Variants in SFI1 observed in about 807,000 individuals in gnomAD.
SFI1 encodes the protein protein SFI1 homolog.
In SFI1, 195 loss-of-function variants were observed where a neutral mutation model predicts 207.5. The ratio of observed to expected loss-of-function variants is 0.94; its 90% CI spans 0.84 to 1.06. SFI1 has a LOEUF of 1.06. SFI1 is among the 50% of genes least tolerant of loss of function. The pLI is 0.00. For missense variants in SFI1, 1,634 were observed against 1,588.0 expected, an observed-to-expected ratio of 1.03 and a Z score of -0.49; for synonymous variants, 630 against 598.9, an observed-to-expected ratio of 1.05 and a Z score of -0.76.
chr22:31,578,224 T>G, intron 10 of SFI1, 158 bp from the exon 11 acceptor site: 1 of 483,072 alleles, frequency 2.1e-6, no homozygotes, highest in Non-Finnish European at 3.5e-6. Context: ...CTTTGCCCAC[T>G]GCTTCCCTGG....
intron 2 of SFI1, among the ~76,000 whole-genome samples, chr22:31,522,170 C>T (rs1834820215): frequency 6.8e-6 from 1 of 146,580 alleles, no homozygotes; most frequent in South Asian, 2.2e-4. Flanking sequence ...CGGGTTCAAG[C>T]TGTTCTCCCG....
At chr22:31,504,323 T>C (rs569864034) in intron 1 of SFI1, among the ~76,000 whole-genome samples, 4 of 152,096 alleles carry the variant, frequency 2.6e-5, no homozygotes, top group African/African-American at 4.8e-5. Flanking sequence ...TTACTTGGAG[T>C]GTAGTATCAG....
chr22:31,588,811 C>CAA (rs537432528), intron 14 of SFI1, among the ~76,000 whole-genome samples: 50 of 103,728 alleles, frequency 4.8e-4, no homozygotes, highest in African/African-American at 1.6e-3. Flanking sequence ...GACTCTGTCT[C>CAA]AAAAAAAAAA....
chr22:31,595,602 G>A (rs1447332166), intron 15 of SFI1, among the ~76,000 whole-genome samples: 4 of 152,152 alleles, frequency 2.6e-5, no homozygotes, highest in African/African-American at 9.7e-5. Flanking sequence ...GAGGAGATAA[G>A]AAACAACTGA....
intron 6 of SFI1, among the ~76,000 whole-genome samples, chr22:31,552,045 T>C (rs2060669892): frequency 6.6e-6 from 1 of 152,186 alleles, no homozygotes; most frequent in South Asian, 2.1e-4. Flanking sequence ...TCCCCTCGTT[T>C]GGAGTCCCCA....
At chr22:31,530,287 G>A (rs776683753) in intron 3 of SFI1, among the ~76,000 whole-genome samples, 1 of 147,036 alleles carries the variant, frequency 6.8e-6, no homozygotes, top group Non-Finnish European at 1.5e-5. Context: ...TCAGGAGATC[G>A]AGACCATCCT....
chr22:31,591,586 C>T (rs1369914443), intron 15 of SFI1, among the ~76,000 whole-genome samples: 28 of 122,532 alleles, frequency 2.3e-4, no homozygotes, highest in Middle Eastern at 4.8e-3. Flanking sequence ...GGCGGCTGGC[C>T]GGGCAGGGGG....
chr22:31,561,450 C>A, intron 8 of SFI1, 58 bp downstream of exon 8: 1 of 1,454,472 alleles, frequency 6.9e-7, no homozygotes, highest in Non-Finnish European at 9.4e-7. Flanking sequence ...AGCCTCTCAC[C>A]CACAGAGGGC....
At chr22:31,612,879 C>T (rs1294859878) in intron 24 of SFI1, 2 of 498,948 alleles carry the variant, frequency 4.0e-6, no homozygotes, top group Non-Finnish European at 3.6e-6. Context: ...TTTCACCATT[C>T]CCCGGACCTC....
chr22:31,561,768 C>A (rs2061728796), intron 8 of SFI1, among the ~76,000 whole-genome samples: 1 of 152,222 alleles, frequency 6.6e-6, no homozygotes. Context: ...GAAAACCTGT[C>A]TTCCTTTTCT....
chr22:31,535,538 C>T (rs2058913987), intron 4 of SFI1, among the ~76,000 whole-genome samples: 1 of 151,510 alleles, frequency 6.6e-6, no homozygotes, highest in Non-Finnish European at 1.5e-5. Context: ...GAGTCTCGCT[C>T]TGTTGCCCAG....
chr22:31,528,957 AATTAGTGGGAG>A (rs1213952208), intron 3 of SFI1, 94 bp downstream of exon 3: 5 of 1,244,830 alleles, frequency 4.0e-6, no homozygotes, highest in Non-Finnish European at 5.6e-6. Context: ...CTTCCACCGC[AATTAGTGGGAG>A]ATCTTGATGC....
chr22:31,537,194 T>C (rs931382605), intron 4 of SFI1, among the ~76,000 whole-genome samples: 6 of 152,132 alleles, frequency 3.9e-5, no homozygotes, highest in Non-Finnish European at 8.8e-5. Context: ...TAACACTTCG[T>C]AGTTGCAAGA....
chr22:31,543,467 A>G (rs2059770852), intron 4 of SFI1, among the ~76,000 whole-genome samples: 1 of 152,106 alleles, frequency 6.6e-6, no homozygotes, highest in Admixed American at 6.6e-5. Flanking sequence ...ATTATAAGCA[A>G]TAGTGAGGTG....
In SFI1 at chr22:31,611,251, T is replaced by C. The variant is rs1472584630; in HGVS notation, c.2363T>C (p.Leu788Pro). 1 of 1,613,190 alleles carries C rather than the reference T, an allele frequency of 6.2e-7. No homozygotes were observed. Among genetic ancestry groups the C allele is most frequent in the Non-Finnish European group, 8.5e-7 (1 of 1,179,720 alleles). ...AVQHHHRQLL[L>P]EGLARWKTHH... ...CAACACCACCACCGGCAGCTGCTGC[T>C]GGAGGGGCTGGCCCGGTGGAAGACG... The change falls in exon 23 of 33, where the codon CTG (leucine) becomes CCG (proline). Residue 788 changes from leucine to proline, a missense_variant. Transcript: ENST00000400288.
In SFI1 at chr22:31,561,300, A is replaced by C. The variant is rs2061678093; in HGVS notation, c.673A>C (p.Ser225Arg). The part of the protein sequence containing the change: ...RQRIILRVWW[S>R]TWRQRLGQVR... ...TTTGCTGTTTCACAGGGTGTGGTGGAGCACGTGGAGGCAGCGACTAGGACA... is the reference window on the plus strand; with the variant it reads ...TTTGCTGTTTCACAGGGTGTGGTGGCGCACGTGGAGGCAGCGACTAGGACA... Residue 225 changes from serine (S) to arginine (R), a missense_variant, in exon 8 of 33, where the codon AGC becomes CGC. Coordinates refer to ENST00000400288, the MANE Select transcript of SFI1 (RefSeq NM_001007467.3). 3 of 1,613,782 alleles carry C rather than the reference A, an allele frequency of 1.9e-6. No homozygotes were observed. The highest frequency in any genetic ancestry group is 1.3e-5 in the African/African-American group (1 of 74,898).
chr22:31,554,220 T>C (rs1244364175), intron 6 of SFI1, among the ~76,000 whole-genome samples: 2 of 152,218 alleles, frequency 1.3e-5, no homozygotes, highest in African/African-American at 4.8e-5. Flanking sequence ...TTTCCTCTTA[T>C]GTTTTCTCCT....
At chr22:31,614,676 C>G (rs1423570762) in intron 27 of SFI1, 113 bp from the exon 28 acceptor site, 6 of 1,275,360 alleles carry the variant, frequency 4.7e-6, no homozygotes, top group Non-Finnish European at 6.7e-6. Flanking sequence ...TGACCTTGGC[C>G]TCGCCTTTCC....
chr22:31,568,711 G>C (rs1194765604), intron 8 of SFI1, among the ~76,000 whole-genome samples: 1 of 151,890 alleles, frequency 6.6e-6, no homozygotes. Flanking sequence ...CTAGGACTAA[G>C]GAACTTAACA....
Sources: gnomAD v4.1 joint callset for allele counts (sites outside exome capture counted in the v4.1 genomes callset) on GRCh38, gnomAD v4.1.1 for gene constraint, MANE v1.5 for transcripts, NCBI Gene and HGNC (gene_info 2026-07-23, HGNC 2026-07-21) for gene names.